The following CDK6 variants were observed in gnomAD, a reference collection of about 807,000 sequenced individuals.
CDK6 encodes the protein cyclin dependent kinase 6, also known as cyclin-dependent kinase 6.
A neutral mutation model predicts 37.1 loss-of-function variants in CDK6; 6 were observed. That is an observed-to-expected ratio of 0.16 (90% CI 0.09 to 0.32). CDK6 has a LOEUF of 0.32. Ranked by LOEUF, CDK6 falls within the 10% of genes least tolerant of loss-of-function variation. The pLI is 1.00. For synonymous variants in CDK6, 160 were observed against 161.3 expected (o/e 0.99, Z 0.06); for missense variants, 224 against 418.9 (o/e 0.53, Z 4.06).
chr7:92,755,343 G>A (rs535025113), intron 3 of CDK6, among the ~76,000 whole-genome samples: 16 of 151,430 alleles, frequency 1.1e-4, no homozygotes, highest in Non-Finnish European at 2.4e-4. Flanking sequence ...TTTTTTTAAC[G>A]GTCATTTCCT....
In CDK6 at chr7:92,833,960, G is replaced by A. The variant is rs1343784963; in HGVS notation, c.-367-270C>T. 2.5e-6 allele frequency: 1 copy of A among 398,578 alleles called. No homozygotes were observed. The highest frequency in any genetic ancestry group is 4.4e-6 in the Non-Finnish European group (1 of 226,156). 24.7% of individuals were successfully genotyped at this position (398,578 alleles called of 1,614,324 possible). Reference sequence around the variant, plus strand: ...ATGAGCGAGCGGCGCGGGACGCAGTGGAACGGGAGGGGGCGTGCCGAGCAG... The same window carrying A: ...ATGAGCGAGCGGCGCGGGACGCAGTAGAACGGGAGGGGGCGTGCCGAGCAG... On this transcript the variant is annotated intron_variant, in intron 1 of 7. Transcript: ENST00000424848. This position sits in a 1 kb window ranked among gnomAD's most constrained non-coding sequence, Gnocchi z 6.1.
chr7:92,672,131 G>GTACATA (rs1313789635), intron 4 of CDK6, among the ~76,000 whole-genome samples: 6 of 23,228 alleles, frequency 2.6e-4, no homozygotes, highest in African/African-American at 9.2e-4. Context: ...CCCAAAAGCT[G>GTACATA]TACATATATA....
chr7:92,734,861 A>G lies in CDK6; in HGVS notation c.370-9068T>C, dbSNP rs536471683. Among the ~76,000 whole-genome samples, 50 of 152,346 alleles carry G rather than the reference A, an allele frequency of 3.3e-4. 2 individuals are homozygous for G. The South Asian group carries it at 4.3e-3, about 13-fold the overall frequency. ...GAAATATAAAACTCCCATGACTATA[A>G]TGAACACTGACACACTGAACAAAAA... On this transcript the variant is annotated intron_variant, in intron 3 of 7. Transcript: ENST00000424848.
chr7:92,771,522 TA>T (rs2115769674), intron 3 of CDK6, among the ~76,000 whole-genome samples: 1 of 152,324 alleles, frequency 6.6e-6, no homozygotes, highest in African/African-American at 2.4e-5. Context: ...TATACATAAG[TA>T]GTCTGTTCTT....
rs993787330 is a variant in CDK6 at position 92,834,457 on chromosome 7, G to T, written c.-367-767C>A. On this transcript the variant is annotated intron_variant, in intron 1 of 7. Coordinates refer to ENST00000424848, the MANE Select transcript of CDK6 (RefSeq NM_001145306.2). The surrounding 1 kb of genome is among the most constrained non-coding windows in gnomAD (Gnocchi z 4.6). The stretch of plus-strand genomic sequence containing the variant: ...TGGGAAGACCAGCCATCTGGTCGGG[G>T]AGGGTTGGGGCTTATCGGGGGTGGG... Among the ~76,000 whole-genome samples the T allele has an allele frequency of 1.3e-5, 2 of 151,216 alleles. No individual in the cohort carries two copies. The highest frequency in any genetic ancestry group is 2.4e-5 in the African/African-American group (1 of 41,198).
intron 3 of CDK6, among the ~76,000 whole-genome samples, chr7:92,759,857 T>C (rs1799412122): frequency 6.6e-6 from 1 of 152,164 alleles, no homozygotes; most frequent in African/African-American, 2.4e-5. Context: ...CATGTTGCTG[T>C]ATGGCCATGC....
At chr7:92,642,069 T>C (rs2116537041) in intron 5 of CDK6, among the ~76,000 whole-genome samples, 1 of 152,220 alleles carries the variant, frequency 6.6e-6, no homozygotes, top group South Asian at 2.1e-4. Flanking sequence ...TACTTCTTCC[T>C]GTGGCTCAGA....
At chr7:92,704,040 T>C (rs1377550457) in intron 4 of CDK6, among the ~76,000 whole-genome samples, 1 of 152,096 alleles carries the variant, frequency 6.6e-6, no homozygotes, top group African/African-American at 2.4e-5. Flanking sequence ...AATTCACTGC[T>C]CCCTGTGACT....
chr7:92,676,915 C>T (rs1285292894), intron 4 of CDK6, among the ~76,000 whole-genome samples: 6 of 148,920 alleles, frequency 4.0e-5, no homozygotes, highest in East Asian at 2.0e-4. Context: ...GCTGAGATCG[C>T]GCCACTGCAC....
At chr7:92,726,499 T>C (rs186648580) in intron 3 of CDK6, among the ~76,000 whole-genome samples, 8 of 152,168 alleles carry the variant, frequency 5.3e-5, no homozygotes, top group Admixed American at 5.2e-4. Context: ...CAGACTTGAC[T>C]TCCTTGGCTC....
intron 4 of CDK6, among the ~76,000 whole-genome samples, chr7:92,710,411 G>A (rs1460563010): frequency 6.6e-6 from 1 of 152,124 alleles, no homozygotes; most frequent in Non-Finnish European, 1.5e-5. Context: ...GAGGCCCTGA[G>A]GGATGACACT....
chr7:92,696,533 A>AT (rs2116651894), intron 4 of CDK6, among the ~76,000 whole-genome samples: 1 of 152,308 alleles, frequency 6.6e-6, no homozygotes, highest in East Asian at 1.9e-4. Context: ...CAAGAGTGGT[A>AT]TTATTTAAGG....
intron 2 of CDK6, among the ~76,000 whole-genome samples, chr7:92,792,384 T>C (rs2115861662): frequency 6.6e-6 from 1 of 152,220 alleles, no homozygotes; most frequent in East Asian, 1.9e-4. Context: ...TTATATTCTA[T>C]ATGTAATTTA....
intron 2 of CDK6, 78 bp from the exon 3 acceptor site, chr7:92,774,909 A>G (rs1799810890): frequency 2.2e-6 from 3 of 1,378,928 alleles, no homozygotes; most frequent in African/African-American, 1.5e-5. Context: ...ATATCGCTCA[A>G]TTTGGTCTCA....
chr7:92,784,590 G>C (rs1800076062), intron 2 of CDK6, among the ~76,000 whole-genome samples: 2 of 152,184 alleles, frequency 1.3e-5, no homozygotes, highest in South Asian at 4.1e-4. Context: ...CCTAACAAGA[G>C]TGAATGGACT....
At chr7:92,787,507 T>C (rs1273258150) in intron 2 of CDK6, among the ~76,000 whole-genome samples, 1 of 152,104 alleles carries the variant, frequency 6.6e-6, no homozygotes, top group Non-Finnish European at 1.5e-5. Context: ...ATTGTTTATG[T>C]TTGTCCACTT....
chr7:92,824,221 C>G (rs1043166987), intron 2 of CDK6, among the ~76,000 whole-genome samples: 1 of 150,596 alleles, frequency 6.6e-6, no homozygotes, highest in Middle Eastern at 3.2e-3. Flanking sequence ...GAACTCTTAA[C>G]GATTTAAACA....
At chr7:92,633,071 T>G (rs953967937) in intron 5 of CDK6, among the ~76,000 whole-genome samples, 2 of 151,220 alleles carry the variant, frequency 1.3e-5, no homozygotes, top group Admixed American at 6.6e-5. Flanking sequence ...TATGACTGAA[T>G]AAAACTCAAA....
chr7:92,684,182 A>G (rs1472423683), intron 4 of CDK6, among the ~76,000 whole-genome samples: 1 of 152,180 alleles, frequency 6.6e-6, no homozygotes, highest in Non-Finnish European at 1.5e-5. Context: ...AGAAGAGCCA[A>G]TGGCAGAACC....
Sources: allele counts gnomAD v4.1 joint callset (sites outside exome capture counted in the v4.1 genomes callset), GRCh38; gene constraint gnomAD v4.1.1; non-coding constraint Gnocchi (gnomAD v3.1); transcripts MANE v1.5; gene names NCBI Gene and HGNC (gene_info 2026-07-23, HGNC 2026-07-21).